Variants in ZBTB7C observed in about 807,000 individuals in gnomAD.
ZBTB7C encodes zinc finger and BTB domain containing 7C.
A neutral mutation model predicts 25.7 loss-of-function variants in ZBTB7C; 8 were observed. The observed-to-expected ratio is 0.31, with a 90% CI of 0.18 to 0.56. The LOEUF is 0.56. ZBTB7C is among the 20% of genes least tolerant of loss of function. ZBTB7C has a pLI of 0.91. For synonymous variants in ZBTB7C, 394 were observed against 369.0 expected (o/e 1.07, Z -0.78); for missense variants, 824 against 855.2 (o/e 0.96, Z 0.46).
At chr18:48,127,081 G>A (rs2039825532) in intron 3 of ZBTB7C, among the ~76,000 whole-genome samples, 1 of 152,162 alleles carries the variant, frequency 6.6e-6, no homozygotes, top group Non-Finnish European at 1.5e-5. Flanking sequence ...AGGCACTGAT[G>A]GCTTTCCTCA....
At position 48,070,742 on chromosome 18, in the gene ZBTB7C, C is replaced by A. The variant is rs187455775; in HGVS notation, c.-16-29619G>T. Among the ~76,000 whole-genome samples the A allele has an allele frequency of 5.9e-5, 9 of 152,270 alleles. No individual in the cohort carries two copies. In the East Asian group the frequency reaches 1.4e-3, roughly 23 times the overall value. ...TGTTGGGGGAAGGAGTGCAAACATGCCATTCTTTAGGGCAAGAAGAGTCTA... is the reference window on the plus strand; with the variant it reads ...TGTTGGGGGAAGGAGTGCAAACATGACATTCTTTAGGGCAAGAAGAGTCTA... On this transcript the variant is annotated intron_variant, in intron 3 of 4. Transcript: ENST00000590800.
At chr18:48,401,431 A>T (rs1257683219) in intron 1 of ZBTB7C, among the ~76,000 whole-genome samples, 1 of 152,138 alleles carries the variant, frequency 6.6e-6, no homozygotes, top group Non-Finnish European at 1.5e-5. Flanking sequence ...ACCACTGCAT[A>T]GGTGAGGAAA....
In ZBTB7C at chr18:48,029,728, G is replaced by C. The variant is rs778664597; in HGVS notation, c.1392C>G (p.His464Gln). The C allele has an allele frequency of 3.1e-6, 5 of 1,603,180 alleles. No individual in the cohort carries two copies. Among genetic ancestry groups the C allele is most frequent in the Middle Eastern group, 1.6e-4 (1 of 6,070 alleles). ...YKSFTRSDHL[H>Q]RHIKRQSCRM... ...GGCAGCTCTGGCGCTTGATGTGGCGGTGCAGGTGGTCAGAGCGCGTGAAGC... is the reference window on the plus strand; with the variant it reads ...GGCAGCTCTGGCGCTTGATGTGGCGCTGCAGGTGGTCAGAGCGCGTGAAGC... Residue 464 changes from histidine (H) to glutamine (Q), a missense_variant, in exon 5 of 5, where the codon CAC becomes CAG. Physicochemically the swap from His to Gln is conservative, Grantham distance 24 (BLOSUM62 0). Coordinates refer to ENST00000590800, the MANE Select transcript of ZBTB7C (RefSeq NM_001318841.2).
intron 3 of ZBTB7C, among the ~76,000 whole-genome samples, chr18:48,110,474 G>A (rs565064018): frequency 7.9e-5 from 12 of 152,194 alleles, no homozygotes; most frequent in Non-Finnish European, 1.3e-4. Context: ...AAGTTATGAG[G>A]CTGATAATAA....
chr18:48,047,623 C>T (rs537675784), intron 3 of ZBTB7C, among the ~76,000 whole-genome samples: 2 of 152,106 alleles, frequency 1.3e-5, no homozygotes, highest in Admixed American at 6.6e-5. Flanking sequence ...CGGGTAAGTC[C>T]AAGCAACCCT....
intron 3 of ZBTB7C, among the ~76,000 whole-genome samples, chr18:48,167,595 T>TGTGTGTGTGTGTGTGC (rs1482842757): frequency 0.01 from 1,544 of 150,282 alleles, 29 homozygotes; most frequent in African/African-American, 0.036. Context: ...TGTGTGTGTG[T>TGTGTGTGTGTGTGTGC]GTGCGCGCGT....
At position 48,029,331 on chromosome 18, in the gene ZBTB7C, C is replaced by A. The variant is rs772914554; in HGVS notation, c.1789G>T (p.Ala597Ser). The A allele has an allele frequency of 6.5e-6, 10 of 1,540,452 alleles. No individual in the cohort carries two copies. Among genetic ancestry groups the A allele is most frequent in the Non-Finnish European group, 8.7e-6 (10 of 1,148,660 alleles). ...AGCCCAGGGAGGCCGGCCAGGCCGG[C>A]GGCCCAAGGGTCGGGCAGCGGGAAG... Reference protein sequence around the residue: ...PYFPLPDPWAAGLAGLPGLAG... With the variant: ...PYFPLPDPWASGLAGLPGLAG... Residue 597 changes from alanine to serine, a missense_variant, in exon 5 of 5, where the codon GCC becomes TCC. By Grantham distance (99) the Ala-to-Ser change is moderately conservative. Transcript: ENST00000590800.
At chr18:48,041,766 C>T (rs1319215037) in intron 3 of ZBTB7C, among the ~76,000 whole-genome samples, 1 of 151,796 alleles carries the variant, frequency 6.6e-6, no homozygotes, top group Non-Finnish European at 1.5e-5. Context: ...ACACTAACTT[C>T]CTATATGTGT....
chr18:48,223,247 G>C (rs1599134888), intron 2 of ZBTB7C, among the ~76,000 whole-genome samples: 1 of 152,168 alleles, frequency 6.6e-6, no homozygotes, highest in South Asian at 2.1e-4. Flanking sequence ...TGACCTGCAG[G>C]AGACAGGTTT....
intron 2 of ZBTB7C, among the ~76,000 whole-genome samples, chr18:48,261,053 T>A (rs2044157460): frequency 6.6e-6 from 1 of 152,250 alleles, no homozygotes; most frequent in Admixed American, 6.5e-5. Context: ...GCCACTTAAC[T>A]AATAAATAGT....
At chr18:48,245,453 C>A (rs1179700388) in intron 2 of ZBTB7C, among the ~76,000 whole-genome samples, 2 of 149,288 alleles carry the variant, frequency 1.3e-5, no homozygotes, top group Non-Finnish European at 3.0e-5. Context: ...AACACTTGTT[C>A]CCCTAAAAAC....
Position 48,354,882 on chromosome 18 carries a change from G to A in ZBTB7C, c.-303-16484C>T, listed in dbSNP as rs533963921. Among the ~76,000 whole-genome samples, 4 of 152,242 alleles carry A rather than the reference G, an allele frequency of 2.6e-5. No individual in the cohort carries two copies. In the East Asian group the frequency reaches 7.7e-4, roughly 29 times the overall value. Reference sequence around the variant, plus strand: ...ACCAAGCACGCCAATGCCCTCCTACGCCCCTCAGCTCCAGGCCTCCTGGCC... The same window carrying A: ...ACCAAGCACGCCAATGCCCTCCTACACCCCTCAGCTCCAGGCCTCCTGGCC... On this transcript the variant is annotated intron_variant, in intron 1 of 4. Coordinates refer to ENST00000590800, the MANE Select transcript of ZBTB7C (RefSeq NM_001318841.2).
intron 3 of ZBTB7C, among the ~76,000 whole-genome samples, chr18:48,070,373 T>TA (rs2037498034): frequency 6.6e-6 from 1 of 152,160 alleles, no homozygotes; most frequent in Non-Finnish European, 1.5e-5. Context: ...TCTCTGGCCT[T>TA]CAGCTGTGAA....
intron 2 of ZBTB7C, among the ~76,000 whole-genome samples, chr18:48,258,881 T>G (rs1025305065): frequency 4.6e-5 from 7 of 152,170 alleles, no homozygotes; most frequent in Admixed American, 1.3e-4. Context: ...GGTCTGGAAC[T>G]CCTGACCTCA....
At chr18:48,125,998 C>T (rs1460171399) in intron 3 of ZBTB7C, among the ~76,000 whole-genome samples, 4 of 152,296 alleles carry the variant, frequency 2.6e-5, no homozygotes, top group Middle Eastern at 3.4e-3. Flanking sequence ...CACTGCGCAC[C>T]GTGCAGTCAG....
chr18:48,392,313 CT>C (rs1253197925), intron 1 of ZBTB7C, among the ~76,000 whole-genome samples: 2 of 152,126 alleles, frequency 1.3e-5, no homozygotes, highest in African/African-American at 4.8e-5. Context: ...ATGAAATGCT[CT>C]TTTTTTGTCC....
At chr18:48,347,356 A>G (rs1331708864) in intron 1 of ZBTB7C, among the ~76,000 whole-genome samples, 3 of 152,024 alleles carry the variant, frequency 2.0e-5, no homozygotes, top group South Asian at 2.1e-4. Flanking sequence ...CCAAATTTCA[A>G]TATGCTCTTG....
chr18:48,214,840 G>A (rs2042785366), intron 2 of ZBTB7C, among the ~76,000 whole-genome samples: 1 of 152,170 alleles, frequency 6.6e-6, no homozygotes, highest in Admixed American at 6.5e-5. Context: ...ATCCATCAGT[G>A]AACACTGGTT....
chr18:48,384,599 C>G (rs890740780), intron 1 of ZBTB7C, among the ~76,000 whole-genome samples: 1 of 152,182 alleles, frequency 6.6e-6, no homozygotes, highest in Admixed American at 6.5e-5. Context: ...TACACAAATT[C>G]GTAAACTTTC....
Sources: gnomAD v4.1 joint callset for allele counts (sites outside exome capture counted in the v4.1 genomes callset) on GRCh38, gnomAD v4.1.1 for gene constraint, MANE v1.5 for transcripts, NCBI Gene and HGNC (gene_info 2026-07-23, HGNC 2026-07-21) for gene names.